Variants in PCDH11Y observed in about 807,000 individuals in gnomAD.
PCDH11Y encodes the protein protocadherin-11 Y-linked.
For synonymous variants in PCDH11Y, 9 were observed against 83.6 expected, an observed-to-expected ratio of 0.11 and a Z score of 4.87; for missense variants, 12 against 224.8, an observed-to-expected ratio of 0.05 and a Z score of 6.05.
At chrY:5,314,194 G>T in intron 2 of PCDH11Y, among the ~76,000 whole-genome samples, 1 of 31,786 alleles carries the variant, frequency 3.1e-5, no homozygotes, top group African/African-American at 1.2e-4. Context: ...TGTTGCCCAG[G>T]CTGGAGTGCA....
intron 3 of PCDH11Y, among the ~76,000 whole-genome samples, chrY:5,515,886 C>T (rs2053371667): frequency 3.0e-5 from 1 of 33,636 alleles, no homozygotes; most frequent in Non-Finnish European, 7.4e-5. Flanking sequence ...TGAAGCTGGA[C>T]TGCTTCCTTA....
At chrY:5,263,817 A>G in intron 2 of PCDH11Y, among the ~76,000 whole-genome samples, 2 of 32,667 alleles carry the variant, frequency 6.1e-5, no homozygotes, top group Admixed American at 2.8e-4. Flanking sequence ...CTAGGGCTCT[A>G]CAATCAGCAG....
intron 2 of PCDH11Y, among the ~76,000 whole-genome samples, chrY:5,336,044 G>A: frequency 9.3e-5 from 3 of 32,102 alleles, no homozygotes. Context: ...ATGTAAAAAG[G>A]AAAATGTATA....
At chrY:5,639,678 T>A (rs2053521405) in intron 4 of PCDH11Y, among the ~76,000 whole-genome samples, 1 of 23,993 alleles carries the variant, frequency 4.2e-5, no homozygotes, top group Non-Finnish European at 9.7e-5. Context: ...TGGCATTTTT[T>A]TTTTTTTTTT....
intron 2 of PCDH11Y, among the ~76,000 whole-genome samples, chrY:5,344,739 G>A: frequency 3.1e-5 from 1 of 32,728 alleles, no homozygotes; most frequent in Non-Finnish European, 7.5e-5. Flanking sequence ...CGTGATCTTG[G>A]CTCACTGCAA....
intron 2 of PCDH11Y, among the ~76,000 whole-genome samples, chrY:5,197,633 G>A: frequency 3.3e-5 from 1 of 30,484 alleles, no homozygotes; most frequent in African/African-American, 1.3e-4. Context: ...AATACACCAT[G>A]GAATACTATG....
intron 4 of PCDH11Y, among the ~76,000 whole-genome samples, chrY:5,666,674 T>C (rs2053544895): frequency 3.1e-5 from 1 of 32,591 alleles, no homozygotes; most frequent in Non-Finnish European, 7.5e-5. Flanking sequence ...GATTAAATTG[T>C]AATCTTAGAA....
At chrY:5,106,134 C>T, downstream of PCDH11Y, among the ~76,000 whole-genome samples, 1 of 33,164 alleles carries the variant, frequency 3.0e-5, no homozygotes, top group African/African-American at 1.2e-4. Flanking sequence ...CAATTTTATG[C>T]TATATTCTTA....
intron 2 of PCDH11Y, among the ~76,000 whole-genome samples, chrY:5,151,862 T>C: frequency 3.3e-5 from 1 of 30,115 alleles, no homozygotes; most frequent in Admixed American, 3.2e-4. Flanking sequence ...GTGCTTTGTA[T>C]AGAGAAGATG....
At chrY:5,425,220 A>T in intron 2 of PCDH11Y, among the ~76,000 whole-genome samples, 3 of 33,436 alleles carry the variant, frequency 9.0e-5, no homozygotes, top group Non-Finnish European at 1.5e-4. Flanking sequence ...GAGCAGTTTG[A>T]TATATAATAA....
chrY:5,139,648 CAAAAAAAAAAA>C (rs3884264), intron 2 of PCDH11Y, among the ~76,000 whole-genome samples: 1 of 4,659 alleles, frequency 2.1e-4, no homozygotes, highest in African/African-American at 6.9e-4. Flanking sequence ...ACAGCAGCTG[CAAAAAAAAAAA>C]AAAAAAAAAA....
intron 3 of PCDH11Y, among the ~76,000 whole-genome samples, chrY:5,532,886 C>G: frequency 9.9e-5 from 2 of 20,181 alleles, no homozygotes; most frequent in Non-Finnish European, 2.1e-4. Context: ...GGCTGGAGTG[C>G]AGTGGCACCA....
intron 2 of PCDH11Y, among the ~76,000 whole-genome samples, chrY:5,265,972 T>G (rs2053025081): frequency 3.0e-5 from 1 of 33,430 alleles, no homozygotes; most frequent in Non-Finnish European, 7.4e-5. Flanking sequence ...CTTGATACTT[T>G]GCTCACGATA....
chrY:5,481,352 G>A, intron 2 of PCDH11Y, among the ~76,000 whole-genome samples: 1 of 32,067 alleles, frequency 3.1e-5, no homozygotes, highest in Non-Finnish European at 7.6e-5. Context: ...CTCACCCTCC[G>A]TGGGTTGGAC....
downstream of PCDH11Y, among the ~76,000 whole-genome samples, chrY:5,108,216 C>G: frequency 3.1e-5 from 1 of 32,288 alleles, no homozygotes; most frequent in African/African-American, 1.2e-4. Context: ...ATTATTTGAT[C>G]AAAATCTATA....
intron 1 of PCDH11Y, among the ~76,000 whole-genome samples, chrY:5,002,132 C>T (rs1602833077): frequency 5.5e-4 from 18 of 32,682 alleles, no homozygotes; most frequent in African/African-American, 2.1e-3. Flanking sequence ...TGTGTGGAAA[C>T]ATCACAAAAT....
intron 4 of PCDH11Y, among the ~76,000 whole-genome samples, chrY:5,630,378 C>T (rs207480470): frequency 9.0e-5 from 3 of 33,262 alleles, no homozygotes; most frequent in African/African-American, 2.3e-4. Context: ...TGCATTTCTG[C>T]GGCAGCTGTG....
At chrY:5,253,640 C>A in intron 2 of PCDH11Y, among the ~76,000 whole-genome samples, 1 of 32,333 alleles carries the variant, frequency 3.1e-5, no homozygotes, top group Non-Finnish European at 7.5e-5. Flanking sequence ...AATGTAGCTT[C>A]CAGAAAGGCT....
intron 4 of PCDH11Y, among the ~76,000 whole-genome samples, chrY:5,629,410 A>G (rs2053510431): frequency 3.4e-4 from 12 of 34,845 alleles, no homozygotes; most frequent in Non-Finnish European, 7.3e-4. Context: ...CTATAGAGGT[A>G]TCCTAAGCTG....
Sources: gnomAD v4.1 joint callset for allele counts (sites outside exome capture counted in the v4.1 genomes callset) on GRCh38, gnomAD v4.1.1 for gene constraint, MANE v1.5 for transcripts, NCBI Gene and HGNC (gene_info 2026-07-23, HGNC 2026-07-21) for gene names.